IL1RAPL1: variants seen among roughly 807,000 people sequenced by gnomAD.
The protein encoded by IL1RAPL1 is interleukin-1 receptor accessory protein-like 1.
A neutral mutation model predicts 48.4 loss-of-function variants in IL1RAPL1; 3 were observed. The observed-to-expected ratio is 0.06, with a 90% CI of 0.03 to 0.16. The LOEUF (loss-of-function observed/expected upper bound fraction) is 0.16. IL1RAPL1 is among the 10% of genes least tolerant of loss of function. The pLI, the probability that IL1RAPL1 is intolerant of heterozygous loss-of-function variation, is 1.00. For missense variants in IL1RAPL1, 349 were observed against 530.6 expected, an observed-to-expected ratio of 0.66 and a Z score of 3.36; for synonymous variants, 185 against 187.7, an observed-to-expected ratio of 0.99 and a Z score of 0.12.
chrX:29,333,576 G>A (rs1400111345), intron 3 of IL1RAPL1, among the ~76,000 whole-genome samples: 1 of 95,204 alleles, frequency 1.1e-5, no homozygotes, highest in Non-Finnish European at 2.1e-5. Flanking sequence ...CTGGCCAGGC[G>A]GGGGGCTGAC....
At chrX:29,052,728 A>G (rs1927122791) in intron 2 of IL1RAPL1, among the ~76,000 whole-genome samples, 2 of 110,694 alleles carry the variant, frequency 1.8e-5, no homozygotes, top group South Asian at 7.8e-4. Flanking sequence ...CTGGAATGCA[A>G]TGGCATGATC....
In IL1RAPL1 at chrX:28,704,837, A is replaced by C. The variant is rs867280935; in HGVS notation, c.-24-84483A>C. The stretch of plus-strand genomic sequence containing the variant: ...ACACACACACACACACACACAAAAA[A>C]AAAAAAAAAAAACTGTGACTGGAGC... On this transcript the variant is annotated intron_variant, in intron 1 of 10. Coordinates refer to ENST00000378993, the MANE Select transcript of IL1RAPL1 (RefSeq NM_014271.4). Among the ~76,000 whole-genome samples the C allele has an allele frequency of 7.6e-3, 791 of 103,616 alleles. 15 individuals are homozygous for C. Among genetic ancestry groups the C allele is most frequent in the African/African-American group, 0.026 (719 of 27,150 alleles). The allele number at this position is 103,616 out of a possible 115,157, so 90.0% of individuals were successfully genotyped here.
chrX:29,570,992 C>T (rs1048747560), intron 5 of IL1RAPL1, among the ~76,000 whole-genome samples: 2 of 111,969 alleles, frequency 1.8e-5, no homozygotes, highest in African/African-American at 6.5e-5. Flanking sequence ...GAGGCCGAGG[C>T]GGGTGGATCA....
intron 2 of IL1RAPL1, among the ~76,000 whole-genome samples, chrX:28,961,850 T>C (rs1184201961): frequency 8.9e-6 from 1 of 111,868 alleles, no homozygotes; most frequent in Non-Finnish European, 1.9e-5. Context: ...TGCCACTCTT[T>C]GAGAAATATT....
chrX:29,085,767 A>C (rs1219980283), intron 2 of IL1RAPL1, among the ~76,000 whole-genome samples: 1 of 111,942 alleles, frequency 8.9e-6, no homozygotes, highest in African/African-American at 3.2e-5. Flanking sequence ...GCTACAGCCC[A>C]GCTAAACATG....
intron 5 of IL1RAPL1, among the ~76,000 whole-genome samples, chrX:29,440,893 A>G (rs1934540442): frequency 9.0e-6 from 1 of 111,492 alleles, no homozygotes; most frequent in East Asian, 2.8e-4. Context: ...TTGACTTCTC[A>G]TTTCTGGTAA....
At chrX:28,744,211 C>G (rs1183715091) in intron 1 of IL1RAPL1, among the ~76,000 whole-genome samples, 1 of 111,244 alleles carries the variant, frequency 9.0e-6, no homozygotes, top group African/African-American at 3.3e-5. Flanking sequence ...TACATCTTTC[C>G]ATGCACCTAT....
intron 6 of IL1RAPL1, among the ~76,000 whole-genome samples, chrX:29,882,155 C>T (rs1002786979): frequency 4.5e-5 from 5 of 111,706 alleles, no homozygotes; most frequent in African/African-American, 1.6e-4. Context: ...TTCCTGTATT[C>T]ACCACCTTTA....
chrX:29,025,191 T>G (rs748917224), intron 2 of IL1RAPL1, among the ~76,000 whole-genome samples: 4 of 112,479 alleles, frequency 3.6e-5, no homozygotes, highest in Non-Finnish European at 7.5e-5. Flanking sequence ...TATAATATTT[T>G]ATTTAGTCTT....
chrX:29,661,695 T>C (rs1282415569), intron 5 of IL1RAPL1, among the ~76,000 whole-genome samples: 1 of 112,173 alleles, frequency 8.9e-6, no homozygotes, highest in Non-Finnish European at 1.9e-5. Context: ...TTGCTTCTCT[T>C]ATGTTGTCTC....
chrX:29,704,765 C>T (rs1927148190), intron 6 of IL1RAPL1, among the ~76,000 whole-genome samples: 1 of 111,882 alleles, frequency 8.9e-6, no homozygotes, highest in African/African-American at 3.3e-5. Context: ...CCTTAATGTA[C>T]TATAAGAGAA....
chrX:29,836,094 T>C (rs1281369892), intron 6 of IL1RAPL1, among the ~76,000 whole-genome samples: 2 of 110,366 alleles, frequency 1.8e-5, no homozygotes, highest in Non-Finnish European at 3.8e-5. Flanking sequence ...TGTTAGGTTG[T>C]TGTTCTTTTT....
chrX:29,081,022 T>C (rs56177000), intron 2 of IL1RAPL1, among the ~76,000 whole-genome samples: 5,881 of 37,727 alleles, frequency 0.16, 515 homozygotes, highest in Admixed American at 0.22. Context: ...CTCTCTCTCT[T>C]TCTTTTCTTT....
chrX:28,732,447 T>C (rs1158680313), intron 1 of IL1RAPL1, among the ~76,000 whole-genome samples: 2 of 112,048 alleles, frequency 1.8e-5, no homozygotes, highest in Non-Finnish European at 3.8e-5. Context: ...CCTTTCATAC[T>C]GTGTGAACTC....
Position 29,282,370 on chromosome X carries a change from G to A in IL1RAPL1, c.83-568G>A, listed in dbSNP as rs1055755556. On this transcript the variant is annotated intron_variant, in intron 2 of 10. Coordinates refer to ENST00000378993, the MANE Select transcript of IL1RAPL1 (RefSeq NM_014271.4). ...GTTGCTATACCAGCAGAACTTGTCAGAAATCTGTCTTCTTCAAGTTAACAG... is the reference window on the plus strand; with the variant it reads ...GTTGCTATACCAGCAGAACTTGTCAAAAATCTGTCTTCTTCAAGTTAACAG... Among the ~76,000 whole-genome samples, 5 of 112,216 alleles carry A rather than the reference G, an allele frequency of 4.5e-5. No individual in the cohort carries two copies. The Admixed American group carries it at 4.7e-4, about 11-fold the overall frequency.
rs759811915 is a variant in IL1RAPL1, at chrX:28,925,493, T to C, written c.82+136068T>C. The stretch of plus-strand genomic sequence containing the variant: ...GCTTTAAGGTGAATTTATAATTTAC[T>C]ATGTGAATATTGCCAGGAGTTAGAA... On this transcript the variant is annotated intron_variant, in intron 2 of 10. Coordinates refer to ENST00000378993, the MANE Select transcript of IL1RAPL1 (RefSeq NM_014271.4). Among the ~76,000 whole-genome samples, 19 of 111,836 alleles carry C rather than the reference T, an allele frequency of 1.7e-4. No homozygotes were observed. The South Asian group carries it at 7.1e-3, about 42-fold the overall frequency.
chrX:29,670,112 A>G lies in IL1RAPL1; in HGVS notation c.778+1608A>G, dbSNP rs181208216. Among the ~76,000 whole-genome samples, 140 of 111,468 alleles carry G rather than the reference A, an allele frequency of 1.3e-3. 1 individual carries two copies. Among genetic ancestry groups the G allele is most frequent in the Non-Finnish European group, 2.0e-3 (104 of 52,895 alleles). On this transcript the variant is annotated intron_variant, in intron 6 of 10. Transcript: ENST00000378993. The stretch of plus-strand genomic sequence containing the variant: ...TATAATGAAAAGAATTTTATGGTTG[A>G]TTGTTGCCCATTGGGTTTCTTTTTA...
intron 2 of IL1RAPL1, among the ~76,000 whole-genome samples, chrX:28,960,432 A>G (rs1394733447): frequency 8.9e-5 from 10 of 112,006 alleles, no homozygotes; most frequent in Admixed American, 6.6e-4. Flanking sequence ...AAACTGTTCA[A>G]TAGGAAATAG....
intron 2 of IL1RAPL1, among the ~76,000 whole-genome samples, chrX:29,129,927 C>G (rs1928985849): frequency 9.0e-6 from 1 of 111,332 alleles, no homozygotes; most frequent in Admixed American, 9.6e-5. Context: ...CCAATGTTTG[C>G]TATGAATGTG....
Sources: gnomAD v4.1 joint callset for allele counts (sites outside exome capture counted in the v4.1 genomes callset) on GRCh38, gnomAD v4.1.1 for gene constraint, MANE v1.5 for transcripts, NCBI Gene and HGNC (gene_info 2026-07-23, HGNC 2026-07-21) for gene names.